Variants in ARMH3 observed in about 807,000 individuals in gnomAD.
ARMH3 encodes the protein armadillo-like helical domain-containing protein 3.
ARMH3 carries 60 observed loss-of-function variants against 99.1 expected under a neutral mutation model. The ratio of observed to expected loss-of-function variants is 0.61; its 90% CI spans 0.49 to 0.75. The LOEUF (loss-of-function observed/expected upper bound fraction) is 0.75, where lower values mean the gene tolerates loss of function less well. ARMH3 is among the 30% of genes least tolerant of loss of function. The probability of loss-of-function intolerance (pLI) is 0.00; values close to 1 mark genes in which losing one functional copy is unlikely to be tolerated. For synonymous variants in ARMH3, 285 were observed against 292.8 expected, an observed-to-expected ratio of 0.97 and a Z score of 0.27; for missense variants, 679 against 843.1, an observed-to-expected ratio of 0.81 and a Z score of 2.41.
intron 23 of ARMH3, among the ~76,000 whole-genome samples, chr10:101,903,261 G>T (rs2068023059): frequency 6.6e-6 from 1 of 152,130 alleles, no homozygotes; most frequent in Non-Finnish European, 1.5e-5. Context: ...GAAGCTAAAG[G>T]TTTGCCAGCA....
In ARMH3 at chr10:101,864,931, G is replaced by A. The variant is rs545514513; in HGVS notation, c.1861-15039C>T. Among the ~76,000 whole-genome samples, 97 of 151,768 alleles carry A rather than the reference G, an allele frequency of 6.4e-4. No homozygotes were observed. The South Asian group carries it at 0.014, about 22-fold the overall frequency. ...CAAACTCTCAATTAAAAGCCCTGAC[G>A]CAGCTCAAAAAAAAAAATTTTTTTT... On this transcript the variant is annotated intron_variant, in intron 24 of 25. Transcript: ENST00000370033.
At chr10:101,870,544 T>C (rs536201863) in intron 24 of ARMH3, among the ~76,000 whole-genome samples, 6 of 152,314 alleles carry the variant, frequency 3.9e-5, no homozygotes, top group Admixed American at 1.3e-4. Context: ...CATATAATTT[T>C]TTCCAACTTT....
intron 20 of ARMH3, among the ~76,000 whole-genome samples, chr10:101,974,188 T>G (rs757370542): frequency 1.2e-4 from 19 of 152,194 alleles, no homozygotes; most frequent in Non-Finnish European, 2.4e-4. Flanking sequence ...CTGCAAAAAC[T>G]TGCTAATCCA....
intron 24 of ARMH3, among the ~76,000 whole-genome samples, chr10:101,875,711 A>G (rs2067243264): frequency 6.6e-6 from 1 of 152,184 alleles, no homozygotes; most frequent in Non-Finnish European, 1.5e-5. Flanking sequence ...TGAACCTCAC[A>G]GTGGGTGATT....
intron 20 of ARMH3, among the ~76,000 whole-genome samples, chr10:101,965,357 C>T (rs1406227051): frequency 6.6e-6 from 1 of 152,170 alleles, no homozygotes; most frequent in African/African-American, 2.4e-5. Context: ...GATGCTTCCT[C>T]ACTGATAGGT....
chr10:102,009,472 G>A (rs2066581074), intron 12 of ARMH3, 23 bp from the exon 13 acceptor site: 15 of 1,599,226 alleles, frequency 9.4e-6, no homozygotes, highest in African/African-American at 2.7e-5. Flanking sequence ...AGAACAAATT[G>A]GAGCAGTTTT....
chr10:101,929,723 G>T (rs1280121962), intron 23 of ARMH3, among the ~76,000 whole-genome samples: 1 of 152,006 alleles, frequency 6.6e-6, no homozygotes, highest in Non-Finnish European at 1.5e-5. Context: ...CAATAAAAAC[G>T]CTTTTTAGAA....
intron 15 of ARMH3, among the ~76,000 whole-genome samples, chr10:101,997,130 T>C (rs1847097302): frequency 6.6e-6 from 1 of 151,446 alleles, no homozygotes; most frequent in South Asian, 2.1e-4. Flanking sequence ...CCAGGCGTGG[T>C]GGCATGCACC....
intron 18 of ARMH3, 104 bp from the exon 19 acceptor site, chr10:101,990,715 C>T (rs768709004): frequency 3.9e-5 from 32 of 811,836 alleles, no homozygotes; most frequent in Middle Eastern, 2.3e-4. Context: ...TCACACTGAA[C>T]GGCATCCACT....
At chr10:102,036,455 C>A (rs555065837) in intron 2 of ARMH3, among the ~76,000 whole-genome samples, 32 of 152,218 alleles carry the variant, frequency 2.1e-4, no homozygotes, top group African/African-American at 7.0e-4. Flanking sequence ...TGGGGAAAAG[C>A]TAGAGAAATC....
intron 2 of ARMH3, 138 bp from the exon 3 acceptor site, chr10:102,033,477 G>T: frequency 1.1e-6 from 1 of 932,896 alleles, no homozygotes; most frequent in Non-Finnish European, 1.6e-6. Context: ...GAGTACAGTG[G>T]CGTGATCTCG....
chr10:101,988,216 T>C (rs1057135581), intron 19 of ARMH3, among the ~76,000 whole-genome samples: 6 of 152,232 alleles, frequency 3.9e-5, no homozygotes, highest in Non-Finnish European at 5.9e-5. Context: ...ATCTAGGCAA[T>C]GATGCTTACT....
chr10:101,856,245 G>C (rs2066734681), intron 24 of ARMH3, among the ~76,000 whole-genome samples: 1 of 152,096 alleles, frequency 6.6e-6, no homozygotes, highest in South Asian at 2.1e-4. Flanking sequence ...GTTGATAGTT[G>C]GTGTAAACCA....
chr10:101,847,860 C>G (rs1365164910), intron 25 of ARMH3, among the ~76,000 whole-genome samples: 1 of 152,186 alleles, frequency 6.6e-6, no homozygotes, highest in Non-Finnish European at 1.5e-5. Context: ...AGAAGAGCAT[C>G]TGGGCTCCTG....
chr10:101,853,139 C>T (rs183185233), intron 24 of ARMH3, among the ~76,000 whole-genome samples: 6 of 151,890 alleles, frequency 4.0e-5, no homozygotes, highest in East Asian at 3.9e-4. Context: ...GCTCCACCCG[C>T]CTCAGTCTCT....
At chr10:101,896,790 C>T (rs952936137) in intron 23 of ARMH3, among the ~76,000 whole-genome samples, 1 of 152,170 alleles carries the variant, frequency 6.6e-6, no homozygotes, top group African/African-American at 2.4e-5. Flanking sequence ...GCTGGAGTTT[C>T]AGGAGCTTCT....
At chr10:102,002,176 CT>C (rs2066376214) in intron 14 of ARMH3, 104 bp from the exon 15 acceptor site, 2 of 1,527,364 alleles carry the variant, frequency 1.3e-6, no homozygotes, top group Non-Finnish European at 1.8e-6. Flanking sequence ...ACTAAATAAG[CT>C]TTTTCCACAA....
intron 24 of ARMH3, among the ~76,000 whole-genome samples, chr10:101,886,331 T>C (rs1444856882): frequency 7.1e-6 from 1 of 141,172 alleles, no homozygotes; most frequent in Non-Finnish European, 1.6e-5. Context: ...CTGGCAAACA[T>C]GGCGAAACCC....
Position 101,922,036 on chromosome 10 carries a change from A to G in ARMH3, c.1781+17827T>C, listed in dbSNP as rs548829569. Among the ~76,000 whole-genome samples the G allele has an allele frequency of 7.9e-5, 12 of 152,308 alleles. No homozygotes were observed. The East Asian group carries it at 2.3e-3, about 29-fold the overall frequency. On this transcript the variant is annotated intron_variant, in intron 23 of 25. Transcript: ENST00000370033. ...ATAAATACTCAAGGTGATGATGGAC[A>G]CCCAAGATACCCTGACTTGTTCATT...
Sources: allele counts gnomAD v4.1 joint callset (sites outside exome capture counted in the v4.1 genomes callset), GRCh38; gene constraint gnomAD v4.1.1; transcripts MANE v1.5; gene names NCBI Gene and HGNC (gene_info 2026-07-23, HGNC 2026-07-21).